CLPTM1L: variants seen among roughly 807,000 people sequenced by gnomAD.
The protein encoded by CLPTM1L is lipid scramblase CLPTM1L.
A neutral mutation model predicts 70.9 loss-of-function variants in CLPTM1L; 38 were observed. The observed-to-expected ratio is 0.54, with a 90% confidence interval of 0.41 to 0.70. The LOEUF (loss-of-function observed/expected upper bound fraction) is 0.70, where lower values mean the gene tolerates loss of function less well. Ranked by LOEUF, CLPTM1L falls within the 30% of genes least tolerant of loss-of-function variation. The pLI is 0.00. For missense variants in CLPTM1L, 652 were observed against 705.9 expected (o/e 0.92, Z 0.87); for synonymous variants, 339 against 299.9 (o/e 1.13, Z -1.35).
chr5:1,326,326 T>C (rs1282764024), intron 9 of CLPTM1L: 1 of 262,042 alleles, frequency 3.8e-6, no homozygotes, highest in Non-Finnish European at 7.2e-6. Flanking sequence ...TACAGGGACA[T>C]TCCATCCAGC....
chr5:1,320,774 G>A, intron 15 of CLPTM1L, 43 bp from the exon 16 acceptor site: 4 of 1,196,888 alleles, frequency 3.3e-6, no homozygotes, highest in Non-Finnish European at 4.7e-6. Flanking sequence ...AGTTGCTGGG[G>A]CTGGAATCCT....
intron 7 of CLPTM1L, chr5:1,332,418 G>A (rs987157568): frequency 1.3e-5 from 2 of 152,706 alleles, no homozygotes; most frequent in Non-Finnish European, 2.9e-5. Context: ...CATCCTTAGA[G>A]ACACTGACCT....
Position 1,318,219 on chromosome 5 carries a change from A to G in CLPTM1L, c.*150T>C, listed in dbSNP as rs1485058802. ...GTAAGCGCTACCAGCTCCAAATCTG[A>G]CGTGATGGGAACTTGGGAGATGTCT... is the stretch of plus-strand genomic sequence containing the variant. On this transcript the variant is annotated 3_prime_UTR_variant, in exon 17 of 17. Coordinates refer to ENST00000320895, the MANE Select transcript of CLPTM1L (RefSeq NM_030782.5). The surrounding 1 kb of genome is among the most constrained non-coding windows in gnomAD (Gnocchi z 8.9). 1.6e-6 allele frequency: 1 copy of G among 645,092 alleles called. No homozygotes were observed. Among genetic ancestry groups the G allele is most frequent in the African/African-American group, 1.8e-5 (1 of 55,176 alleles). The allele number at this position is 645,092 out of a possible 1,614,324, so 40.0% of individuals were successfully genotyped here. A position where few individuals can be genotyped will look rare whatever the true frequency, so the allele number is the denominator to read the frequency against.
At chr5:1,337,145 G>T (rs901812157) in intron 5 of CLPTM1L, among the ~76,000 whole-genome samples, 2 of 152,184 alleles carry the variant, frequency 1.3e-5, no homozygotes, top group Non-Finnish European at 2.9e-5. Context: ...CCAGCTGAGC[G>T]TTCACCTCTG....
chr5:1,327,804 C>G (rs1218831416), intron 9 of CLPTM1L, among the ~76,000 whole-genome samples: 95 of 146,076 alleles, frequency 6.5e-4, no homozygotes, highest in African/African-American at 1.9e-3. Flanking sequence ...CCTCTACAGA[C>G]ACATTCCATC....
chr5:1,318,436 T>A lies in CLPTM1L; in HGVS notation c.1550A>T (p.Lys517Ile). 1 of 1,613,852 alleles carries A rather than the reference T, an allele frequency of 6.2e-7. No individual in the cohort carries two copies. The highest frequency in any genetic ancestry group is 8.5e-7 in the Non-Finnish European group (1 of 1,179,978). Residue 517 changes from lysine to isoleucine, a missense_variant, in exon 17 of 17, where the codon AAA becomes ATA. Transcript: ENST00000320895. The surrounding 1 kb of genome is among the most constrained non-coding windows in gnomAD (Gnocchi z 8.9). The part of the protein sequence containing the change: ...LYQRWLYPVD[K>I]RRVNEFGESY... Reference sequence around the variant, plus strand: ...CTCCCCAAACTCGTTCACTCTGCGTTTATCCACAGGATAAAGCCTGCAATG... The same window carrying A: ...CTCCCCAAACTCGTTCACTCTGCGTATATCCACAGGATAAAGCCTGCAATG...
chr5:1,322,947 G>A (rs374156376), intron 12 of CLPTM1L, 36 bp from the exon 13 acceptor site: 15 of 1,582,480 alleles, frequency 9.5e-6, no homozygotes, highest in South Asian at 4.4e-5. Flanking sequence ...CCTATTTCTC[G>A]CATAGCTTAA....
intron 4 of CLPTM1L, chr5:1,338,285 T>G (rs1753712766): frequency 2.2e-6 from 1 of 454,484 alleles, no homozygotes. Context: ...CAGGGCCCTC[T>G]GCGCACTGAC....
At chr5:1,325,374 G>T in intron 10 of CLPTM1L, 1 of 286,866 alleles carries the variant, frequency 3.5e-6, no homozygotes, top group East Asian at 6.7e-5. Flanking sequence ...ACCAGCTCAG[G>T]GCAGGGGCTC....
At chr5:1,328,315 ACTCCTCTACGGACACATTTCATCCAGCTC>A (rs748700261) in intron 9 of CLPTM1L, among the ~76,000 whole-genome samples, 37,662 of 105,758 alleles carry the variant, frequency 0.36, 7,997 homozygotes, top group African/African-American at 0.46. Context: ...TCATCCAGCT[ACTCCTCTACGGACACATTTCATCCAGCTC>A]CTCCTCTACG....
At position 1,324,800 on chromosome 5, in the gene CLPTM1L, C is replaced by T. The variant is rs1752414969; in HGVS notation, c.1160G>A (p.Ser387Asn). ...CTCCTCGGTTTTCCTCTCAGATTCGCTGTAAGTGCCAAACTGTTGTGAAAT... is the reference window on the plus strand; with the variant it reads ...CTCCTCGGTTTTCCTCTCAGATTCGTTGTAAGTGCCAAACTGTTGTGAAAT... ...LMPEFQFGTY[S>N]ESERKTEEYD... Residue 387 changes from serine to asparagine, a missense_variant, in exon 11 of 17, where the codon AGC (serine) becomes AAC (asparagine). By Grantham distance (46) the Ser-to-Asn change is conservative. Coordinates refer to ENST00000320895, the MANE Select transcript of CLPTM1L (RefSeq NM_030782.5). 9.9e-6 allele frequency: 16 copies of T among 1,614,094 alleles called. No homozygotes were observed. The highest frequency in any genetic ancestry group is 1.3e-5 in the Non-Finnish European group (15 of 1,179,968).
intron 7 of CLPTM1L, among the ~76,000 whole-genome samples, chr5:1,333,628 G>A (rs960200489): frequency 2.4e-5 from 3 of 127,054 alleles, no homozygotes; most frequent in Non-Finnish European, 1.6e-5. Context: ...ATACACACCA[G>A]ATGAGGATAA....
chr5:1,342,885 G>A lies in CLPTM1L; in HGVS notation c.264-1025C>T, dbSNP rs746364748. On this transcript the variant is annotated intron_variant, in intron 2 of 16. Coordinates refer to ENST00000320895, the MANE Select transcript of CLPTM1L (RefSeq NM_030782.5). This position sits in a 1 kb window ranked among gnomAD's most constrained non-coding sequence, Gnocchi z 4.3. ...ATTATAGGCATGAGTCACTGTGCCC[G>A]GCCTCTCCTTAAAAATCTTACGGTT... is the stretch of plus-strand genomic sequence containing the variant. 1.2e-4 allele frequency among the ~76,000 whole-genome samples: 18 copies of A among 152,208 alleles called. No homozygotes were observed. The highest frequency in any genetic ancestry group is 3.2e-3 in the Middle Eastern group (1 of 314).
rs148543913 is a variant in CLPTM1L, at chr5:1,327,456, G to C, written c.1081-1640C>G. On this transcript the variant is annotated intron_variant, in intron 9 of 16. Transcript: ENST00000320895. Reference sequence around the variant, plus strand: ...TTTCATCCAGCTCCTCCTCTACAGGGACATTCCATCCAGCTCCTCCTCTAC... The same window carrying C: ...TTTCATCCAGCTCCTCCTCTACAGGCACATTCCATCCAGCTCCTCCTCTAC... Among the ~76,000 whole-genome samples, 295 of 79,236 alleles carry C rather than the reference G, an allele frequency of 3.7e-3. 1 individual carries two copies. The highest frequency in any genetic ancestry group is 0.011 in the Middle Eastern group (1 of 88). The allele number at this position is 79,236 out of a possible 152,430, so 52.0% of individuals were successfully genotyped here.
At chr5:1,321,439 G>A (rs1387917731) in intron 15 of CLPTM1L, among the ~76,000 whole-genome samples, 196 bp downstream of exon 15, 1 of 152,166 alleles carries the variant, frequency 6.6e-6, no homozygotes, top group African/African-American at 2.4e-5. Flanking sequence ...AACCACCCCA[G>A]TCTTTCAGGG....
chr5:1,324,889 C>A, intron 10 of CLPTM1L, 76 bp from the exon 11 acceptor site: 2 of 1,361,180 alleles, frequency 1.5e-6, no homozygotes, highest in Admixed American at 1.7e-5. Flanking sequence ...GACTAAGGGG[C>A]GTCACATATG....
intron 16 of CLPTM1L, 22 bp downstream of exon 16, chr5:1,320,594 G>C: frequency 7.3e-7 from 1 of 1,374,600 alleles, no homozygotes; most frequent in South Asian, 1.4e-5. Context: ...AGCAACGGCC[G>C]AGCATACGCA....
chr5:1,339,155 G>T, intron 3 of CLPTM1L, 150 bp from the exon 4 acceptor site: 1 of 892,934 alleles, frequency 1.1e-6, no homozygotes, highest in Non-Finnish European at 1.7e-6. Context: ...CCTGTGAAGA[G>T]ATGGCCACAC....
At chr5:1,323,021 C>T in intron 12 of CLPTM1L, 110 bp from the exon 13 acceptor site, 2 of 1,103,164 alleles carry the variant, frequency 1.8e-6, no homozygotes, top group Non-Finnish European at 2.7e-6. Flanking sequence ...TACCCAGATG[C>T]TCTCACGGCA....
Sources: gnomAD v4.1 joint callset for allele counts (sites outside exome capture counted in the v4.1 genomes callset) on GRCh38, gnomAD v4.1.1 for gene constraint, Gnocchi (gnomAD v3.1) non-coding constraint, MANE v1.5 for transcripts, NCBI Gene and HGNC (gene_info 2026-07-23, HGNC 2026-07-21) for gene names.